The following CCSER1 variants were observed in gnomAD, a reference collection of about 807,000 sequenced individuals.
The protein encoded by CCSER1 is coiled-coil serine rich protein 1.
CCSER1 carries 41 observed loss-of-function variants against 82.0 expected under a neutral mutation model. That is an observed-to-expected ratio of 0.50 (90% confidence interval 0.39 to 0.65). CCSER1 has a LOEUF of 0.65. Among genes scored for constraint, CCSER1 ranks in the 30% least tolerant of loss-of-function variants. The pLI, the probability that CCSER1 is intolerant of heterozygous loss-of-function variation, is 0.00. For synonymous variants in CCSER1, 414 were observed against 383.9 expected, an observed-to-expected ratio of 1.08 and a Z score of -0.92; for missense variants, 1,119 against 1,064.2, an observed-to-expected ratio of 1.05 and a Z score of -0.72.
Position 90,309,058 on chromosome 4 carries a change from A to T in CCSER1, c.774A>T (p.Ser258=). ...ATCTTACCACAGCTCAGACACCTTC[A>T]GAATTTTTAGCCTTGACTGAAGATT... ...SADLTTAQTP[S]EFLALTEDSV... Residue 258 remains serine, a synonymous_variant, in exon 2 of 11, where the codon TCA becomes TCT. Coordinates refer to ENST00000509176, the MANE Select transcript of CCSER1 (RefSeq NM_001145065.2). 2 of 1,613,916 alleles carry T rather than the reference A, an allele frequency of 1.2e-6. No homozygotes were observed. Among genetic ancestry groups the T allele is most frequent in the Non-Finnish European group, 1.7e-6 (2 of 1,179,852 alleles).
chr4:91,142,965 C>T (rs1560463703), intron 10 of CCSER1, among the ~76,000 whole-genome samples: 1 of 151,788 alleles, frequency 6.6e-6, no homozygotes, highest in Non-Finnish European at 1.5e-5. Context: ...TATTTGAACT[C>T]TTTTTTGGTT....
chr4:90,515,285 AG>A (rs1772115259), intron 5 of CCSER1, among the ~76,000 whole-genome samples: 1 of 152,174 alleles, frequency 6.6e-6, no homozygotes, highest in Admixed American at 6.5e-5. Context: ...TGTTGATTAT[AG>A]TTTTTGGTCT....
intron 10 of CCSER1, among the ~76,000 whole-genome samples, chr4:91,320,791 C>T (rs1746143184): frequency 6.6e-6 from 1 of 151,972 alleles, no homozygotes. Flanking sequence ...ATTCTTATCT[C>T]TGGTTCATCT....
chr4:90,955,129 A>G (rs991577157), intron 9 of CCSER1, among the ~76,000 whole-genome samples: 1 of 152,136 alleles, frequency 6.6e-6, no homozygotes, highest in East Asian at 1.9e-4. Flanking sequence ...CTGTTTCCCC[A>G]TTTGAATATA....
At chr4:90,953,342 A>AT (rs56156733) in intron 9 of CCSER1, among the ~76,000 whole-genome samples, 41,183 of 150,904 alleles carry the variant, frequency 0.27, 6,938 homozygotes, top group East Asian at 0.39. Context: ...TATTTCATTG[A>AT]TTTTTTTTTA....
At chr4:90,283,321 T>C (rs1729206839) in intron 1 of CCSER1, among the ~76,000 whole-genome samples, 1 of 151,880 alleles carries the variant, frequency 6.6e-6, no homozygotes, top group Non-Finnish European at 1.5e-5. Context: ...AAGTATATTT[T>C]ATTTTTTATT....
intron 9 of CCSER1, among the ~76,000 whole-genome samples, chr4:91,070,352 C>T (rs182157115): frequency 1.6e-3 from 250 of 152,298 alleles, no homozygotes; most frequent in African/African-American, 5.6e-3. Context: ...AATCCATCCT[C>T]TTTATTTTAG....
At chr4:90,250,682 T>C (rs899632034) in intron 1 of CCSER1, among the ~76,000 whole-genome samples, 4 of 152,106 alleles carry the variant, frequency 2.6e-5, no homozygotes, top group Non-Finnish European at 4.4e-5. Flanking sequence ...CAAAATTGTT[T>C]TGGCTATTGT....
intron 10 of CCSER1, among the ~76,000 whole-genome samples, chr4:91,455,295 A>G (rs1231261295): frequency 6.6e-6 from 1 of 152,038 alleles, no homozygotes; most frequent in African/African-American, 2.4e-5. Flanking sequence ...TCTCCTTGCT[A>G]TGGTCTGAAT....
intron 5 of CCSER1, among the ~76,000 whole-genome samples, chr4:90,533,413 T>C (rs564548367): frequency 1.1e-4 from 16 of 152,184 alleles, no homozygotes; most frequent in Admixed American, 3.9e-4. Context: ...TTTTATCTGC[T>C]ATTCTCAGAT....
intron 10 of CCSER1, among the ~76,000 whole-genome samples, chr4:91,173,982 A>C (rs1278559288): frequency 2.0e-5 from 3 of 152,234 alleles, no homozygotes; most frequent in Non-Finnish European, 4.4e-5. Flanking sequence ...ATATTTGAAC[A>C]AACTTTACAT....
chr4:91,556,977 T>C (rs1040402438), intron 10 of CCSER1, among the ~76,000 whole-genome samples: 1 of 151,156 alleles, frequency 6.6e-6, no homozygotes. Context: ...ATTTTCAACA[T>C]TTTTATAAAT....
intron 7 of CCSER1, among the ~76,000 whole-genome samples, chr4:90,799,814 T>A (rs1354915741): frequency 6.6e-6 from 1 of 152,318 alleles, no homozygotes; most frequent in East Asian, 1.9e-4. Flanking sequence ...TCCTTAACAC[T>A]TCTTTAAGCA....
At chr4:91,429,225 T>C (rs987513458) in intron 10 of CCSER1, among the ~76,000 whole-genome samples, 11 of 152,012 alleles carry the variant, frequency 7.2e-5, no homozygotes, top group Non-Finnish European at 1.6e-4. Flanking sequence ...AGATTCTGTT[T>C]TGGTCTTTCA....
intron 8 of CCSER1, among the ~76,000 whole-genome samples, chr4:90,818,193 A>T (rs1012174183): frequency 2.6e-5 from 4 of 152,072 alleles, no homozygotes; most frequent in African/African-American, 7.2e-5. Flanking sequence ...TTTTTGAGTT[A>T]GCCTCATCAA....
intron 10 of CCSER1, among the ~76,000 whole-genome samples, chr4:91,320,016 C>T (rs1170458327): frequency 6.6e-6 from 1 of 151,974 alleles, no homozygotes; most frequent in Non-Finnish European, 1.5e-5. Flanking sequence ...GTGAATCATC[C>T]TTTTTGTCCA....
At chr4:90,803,425 T>C (rs1757083982) in intron 7 of CCSER1, among the ~76,000 whole-genome samples, 1 of 152,106 alleles carries the variant, frequency 6.6e-6, no homozygotes, top group Admixed American at 6.6e-5. Context: ...TGTGTTCTCA[T>C]TGTTAAACTC....
At chr4:90,832,879 C>A (rs1242490873) in intron 8 of CCSER1, among the ~76,000 whole-genome samples, 3 of 152,064 alleles carry the variant, frequency 2.0e-5, no homozygotes, top group Non-Finnish European at 4.4e-5. Context: ...AATATATTTT[C>A]TATGTATAAA....
At chr4:90,972,655 GA>G (rs961081367) in intron 9 of CCSER1, among the ~76,000 whole-genome samples, 16 of 151,338 alleles carry the variant, frequency 1.1e-4, no homozygotes, top group African/African-American at 3.6e-4. Flanking sequence ...TGCAGAAACA[GA>G]AAAAAAATTC....
Sources: allele counts gnomAD v4.1 joint callset (sites outside exome capture counted in the v4.1 genomes callset), GRCh38; gene constraint gnomAD v4.1.1; transcripts MANE v1.5; gene names NCBI Gene and HGNC (gene_info 2026-07-23, HGNC 2026-07-21).